The following TBL1X variants were observed in gnomAD, a reference collection of about 807,000 sequenced individuals.
The protein encoded by TBL1X is transducin beta like 1 X-linked.
A neutral mutation model predicts 50.7 loss-of-function variants in TBL1X; 10 were observed. The observed-to-expected ratio is 0.20, with a 90% CI of 0.12 to 0.33. The LOEUF is 0.33. Among genes scored for constraint, TBL1X ranks in the 10% least tolerant of loss-of-function variants. The pLI is 1.00. For synonymous variants in TBL1X, 190 were observed against 214.7 expected, an observed-to-expected ratio of 0.88 and a Z score of 1.01; for missense variants, 340 against 504.4, an observed-to-expected ratio of 0.67 and a Z score of 3.12.
chrX:9,542,496 G>A (rs1377653019), intron 2 of TBL1X, among the ~76,000 whole-genome samples: 1 of 112,060 alleles, frequency 8.9e-6, no homozygotes, highest in Non-Finnish European at 1.9e-5. Flanking sequence ...CAGAGTTGAA[G>A]GAGGTAACTG....
chrX:9,562,716 C>T (rs760295323), intron 2 of TBL1X, among the ~76,000 whole-genome samples: 1 of 110,058 alleles, frequency 9.1e-6, no homozygotes, highest in African/African-American at 3.3e-5. Flanking sequence ...ATATTTATTT[C>T]TCAATATATA....
At chrX:9,586,896 T>A (rs1313503533) in intron 2 of TBL1X, among the ~76,000 whole-genome samples, 1 of 111,926 alleles carries the variant, frequency 8.9e-6, no homozygotes, top group East Asian at 2.8e-4. Flanking sequence ...CAAGATTCTA[T>A]CTCAAAAAAA....
intron 2 of TBL1X, among the ~76,000 whole-genome samples, chrX:9,548,542 C>T (rs1274371956): frequency 1.7e-4 from 19 of 111,869 alleles, no homozygotes; most frequent in African/African-American, 6.2e-4. Flanking sequence ...AAGTTGAGAC[C>T]GTCTAGGGAG....
chrX:9,673,960 G>A (rs2082975576), intron 5 of TBL1X, among the ~76,000 whole-genome samples: 1 of 111,973 alleles, frequency 8.9e-6, no homozygotes, highest in Non-Finnish European at 1.9e-5. Context: ...CAGTTACTTG[G>A]GAGGCTGAGG....
chrX:9,656,518 T>C (rs1232428500), intron 5 of TBL1X, among the ~76,000 whole-genome samples: 2 of 112,795 alleles, frequency 1.8e-5, no homozygotes, highest in Non-Finnish European at 3.7e-5. Context: ...GGCTTCCTTA[T>C]TCAGTGTTTG....
intron 1 of TBL1X, among the ~76,000 whole-genome samples, chrX:9,498,265 C>T (rs2081983024): frequency 9.0e-6 from 1 of 111,412 alleles, no homozygotes; most frequent in Non-Finnish European, 1.9e-5. Context: ...CTCCATTACT[C>T]ATTTTATAAG....
intron 15 of TBL1X, among the ~76,000 whole-genome samples, chrX:9,710,370 C>T (rs1251088925): frequency 9.0e-6 from 1 of 111,229 alleles, no homozygotes; most frequent in East Asian, 2.8e-4. Context: ...GGAATTCCTG[C>T]ATCCACTGAG....
intron 5 of TBL1X, among the ~76,000 whole-genome samples, chrX:9,658,574 ATAT>A (rs1184820659): frequency 1.8e-5 from 2 of 111,565 alleles, no homozygotes; most frequent in Non-Finnish European, 3.8e-5. Context: ...CCCTGTAAAC[ATAT>A]TATTTCCTCT....
chrX:9,474,608 A>C (rs905804645), intron 1 of TBL1X, among the ~76,000 whole-genome samples: 2 of 113,330 alleles, frequency 1.8e-5, no homozygotes, highest in Admixed American at 1.9e-4. Flanking sequence ...TTTCGGAACT[A>C]GATGACAGTA....
chrX:9,523,376 G>GT (rs750678043), intron 2 of TBL1X, among the ~76,000 whole-genome samples: 2 of 111,727 alleles, frequency 1.8e-5, no homozygotes, highest in Non-Finnish European at 3.8e-5. Flanking sequence ...ACAACCTGGG[G>GT]TGCCCCTTTC....
At chrX:9,581,253 G>A (rs1230741564) in intron 2 of TBL1X, among the ~76,000 whole-genome samples, 1 of 111,970 alleles carries the variant, frequency 8.9e-6, no homozygotes, top group Non-Finnish European at 1.9e-5. Context: ...TTCCTGAAAG[G>A]CCATCTGAGT....
intron 2 of TBL1X, among the ~76,000 whole-genome samples, chrX:9,555,899 A>G (rs781495720): frequency 1.4e-4 from 16 of 111,774 alleles, no homozygotes; most frequent in Non-Finnish European, 2.6e-4. Context: ...GAATAAAGAA[A>G]TGAATGGGTT....
intron 2 of TBL1X, among the ~76,000 whole-genome samples, chrX:9,585,202 C>T (rs2147025041): frequency 9.0e-6 from 1 of 111,172 alleles, no homozygotes; most frequent in African/African-American, 3.3e-5. Flanking sequence ...GTTTTCTAAG[C>T]ACTTCTTACC....
At chrX:9,624,847 T>C (rs766981984) in intron 2 of TBL1X, among the ~76,000 whole-genome samples, 13 of 112,329 alleles carry the variant, frequency 1.2e-4, no homozygotes, top group Admixed American at 5.7e-4. Flanking sequence ...TAATGTTCTC[T>C]TTACAAAAAA....
chrX:9,463,970 C>G (rs1272943149), upstream of TBL1X, among the ~76,000 whole-genome samples: 1 of 112,011 alleles, frequency 8.9e-6, no homozygotes, highest in Non-Finnish European at 1.9e-5. Context: ...AACAAATGGT[C>G]TAGAGTTCGA....
intron 2 of TBL1X, among the ~76,000 whole-genome samples, chrX:9,587,455 A>G (rs2147027048): frequency 9.0e-6 from 1 of 111,506 alleles, no homozygotes; most frequent in Non-Finnish European, 1.9e-5. Context: ...TTATTTGCAC[A>G]TCTGTGTTTG....
At chrX:9,688,904 C>G (rs1386990307) in intron 7 of TBL1X, among the ~76,000 whole-genome samples, 1 of 113,804 alleles carries the variant, frequency 8.8e-6, no homozygotes, top group Non-Finnish European at 1.9e-5. Context: ...CGCGCATGCA[C>G]TTGCATGCAC....
Position 9,595,536 on chromosome X carries a change from T to C in TBL1X, c.-130-44737T>C, listed in dbSNP as rs1156240021. Among the ~76,000 whole-genome samples, 3 of 112,147 alleles carry C rather than the reference T, an allele frequency of 2.7e-5. No homozygotes were observed. The East Asian group carries it at 8.4e-4, about 31-fold the overall frequency. ...ATAAATAATTCCCTCCTGAGTCGGCTTGCGTGGCTCCTGAGAGCAGCTGGT... is the reference window on the plus strand; with the variant it reads ...ATAAATAATTCCCTCCTGAGTCGGCCTGCGTGGCTCCTGAGAGCAGCTGGT... On this transcript the variant is annotated intron_variant, in intron 2 of 17. Transcript: ENST00000645353.
intron 12 of TBL1X, among the ~76,000 whole-genome samples, chrX:9,701,569 TAAAAAAAAA>T (rs63287561): frequency 1.7e-4 from 8 of 47,030 alleles, no homozygotes; most frequent in Middle Eastern, 0.012. Flanking sequence ...CTTGATGAGC[TAAAAAAAAA>T]AAAAAAAAAA....
Sources: allele counts gnomAD v4.1 joint callset (sites outside exome capture counted in the v4.1 genomes callset), GRCh38; gene constraint gnomAD v4.1.1; transcripts MANE v1.5; gene names NCBI Gene and HGNC (gene_info 2026-07-23, HGNC 2026-07-21).